Variants in SPAG16 observed in about 807,000 individuals in gnomAD.
SPAG16 encodes sperm-associated antigen 16 protein.
A neutral mutation model predicts 80.4 loss-of-function variants in SPAG16; 86 were observed. That is an observed-to-expected ratio of 1.07 (90% CI 0.90 to 1.28). The LOEUF is 1.28. SPAG16 is among the 50% of genes most tolerant of loss of function. The pLI, the probability that SPAG16 is intolerant of heterozygous loss-of-function variation, is 0.00. For missense variants in SPAG16, 870 were observed against 765.3 expected, an observed-to-expected ratio of 1.14 and a Z score of -1.61; for synonymous variants, 294 against 265.9, an observed-to-expected ratio of 1.11 and a Z score of -1.03.
At chr2:213,928,875 T>A (rs1284512468) in intron 11 of SPAG16, among the ~76,000 whole-genome samples, 1 of 146,882 alleles carries the variant, frequency 6.8e-6, no homozygotes, top group African/African-American at 2.5e-5. Flanking sequence ...TAGAAGATGA[T>A]GGAAGTAAAA....
At chr2:214,390,789 C>G (rs1701034810) in intron 15 of SPAG16, among the ~76,000 whole-genome samples, 1 of 152,056 alleles carries the variant, frequency 6.6e-6, no homozygotes, top group South Asian at 2.1e-4. Context: ...CATTGGAGAG[C>G]AAGATCAATG....
At chr2:214,163,564 A>G (rs867790419) in intron 15 of SPAG16, among the ~76,000 whole-genome samples, 9 of 136,444 alleles carry the variant, frequency 6.6e-5, no homozygotes, top group African/African-American at 2.2e-4. Flanking sequence ...GTGTCTGTGT[A>G]TATGTGTGTG....
intron 10 of SPAG16, among the ~76,000 whole-genome samples, chr2:213,585,424 G>A (rs569551322): frequency 4.0e-5 from 6 of 151,638 alleles, no homozygotes; most frequent in East Asian, 4.0e-4. Context: ...CTACAGGTAC[G>A]TGCCACCATG....
At chr2:213,714,397 T>C (rs1365715726) in intron 10 of SPAG16, among the ~76,000 whole-genome samples, 1 of 152,174 alleles carries the variant, frequency 6.6e-6, no homozygotes, top group African/African-American at 2.4e-5. Flanking sequence ...TTAGGTGTTC[T>C]TCTCACCCTT....
At chr2:213,544,807 G>A (rs1238489987) in intron 10 of SPAG16, among the ~76,000 whole-genome samples, 3 of 151,910 alleles carry the variant, frequency 2.0e-5, no homozygotes, top group African/African-American at 4.8e-5. Flanking sequence ...TATTTCACTT[G>A]GTAAAATACA....
chr2:213,596,950 A>C (rs901484884), intron 10 of SPAG16, among the ~76,000 whole-genome samples: 8 of 152,284 alleles, frequency 5.3e-5, no homozygotes, highest in African/African-American at 1.7e-4. Context: ...CTTTATAAAA[A>C]GGGTGGAGGT....
intron 7 of SPAG16, among the ~76,000 whole-genome samples, chr2:213,352,435 A>T (rs1405948377): frequency 1.3e-5 from 2 of 152,082 alleles, no homozygotes; most frequent in Non-Finnish European, 2.9e-5. Flanking sequence ...TTCCTATTCC[A>T]GATGGGCCAA....
intron 10 of SPAG16, among the ~76,000 whole-genome samples, chr2:213,510,603 C>A (rs1246125740): frequency 6.6e-6 from 1 of 152,140 alleles, no homozygotes; most frequent in African/African-American, 2.4e-5. Context: ...TGTTAAAGCT[C>A]AGGGACCAGC....
chr2:213,856,907 C>A (rs2075196762), intron 10 of SPAG16, among the ~76,000 whole-genome samples: 1 of 152,106 alleles, frequency 6.6e-6, no homozygotes. Context: ...GAAGACATAG[C>A]TAAGATAATG....
intron 10 of SPAG16, among the ~76,000 whole-genome samples, chr2:213,602,564 G>T (rs1392121722): frequency 6.6e-6 from 1 of 152,190 alleles, no homozygotes; most frequent in African/African-American, 2.4e-5. Context: ...AACCTGGAAG[G>T]CAGAGGTTGC....
intron 15 of SPAG16, among the ~76,000 whole-genome samples, chr2:214,357,896 G>T (rs1698924308): frequency 6.6e-6 from 1 of 151,904 alleles, no homozygotes; most frequent in Non-Finnish European, 1.5e-5. Context: ...AACTATTAGA[G>T]TCAGGGCTTT....
At chr2:213,481,420 T>G (rs529059969) in intron 9 of SPAG16, among the ~76,000 whole-genome samples, 3 of 152,326 alleles carry the variant, frequency 2.0e-5, no homozygotes, top group South Asian at 4.1e-4. Flanking sequence ...ATTGCTTACA[T>G]TTTTTGTTTT....
intron 10 of SPAG16, among the ~76,000 whole-genome samples, chr2:213,517,406 C>T (rs957950394): frequency 2.6e-5 from 4 of 152,122 alleles, no homozygotes; most frequent in African/African-American, 9.7e-5. Flanking sequence ...ACAGATTCAG[C>T]ACTACTCTTA....
At chr2:213,357,888 C>G (rs1300832666) in intron 7 of SPAG16, among the ~76,000 whole-genome samples, 1 of 152,214 alleles carries the variant, frequency 6.6e-6, no homozygotes. Flanking sequence ...TTTGCAGTGG[C>G]TGGTACTGGT....
intron 10 of SPAG16, among the ~76,000 whole-genome samples, chr2:213,744,107 G>C (rs1252920268): frequency 6.6e-6 from 1 of 152,170 alleles, no homozygotes; most frequent in Admixed American, 6.5e-5. Flanking sequence ...ACCTCCCAGA[G>C]CACTCCCTAT....
At chr2:213,794,614 T>C (rs2070911030) in intron 10 of SPAG16, among the ~76,000 whole-genome samples, 1 of 152,132 alleles carries the variant, frequency 6.6e-6, no homozygotes, top group Non-Finnish European at 1.5e-5. Context: ...GTTGGACTGG[T>C]AGCTAAAGAA....
chr2:214,221,381 A>G (rs2058563171), intron 15 of SPAG16, among the ~76,000 whole-genome samples: 1 of 151,764 alleles, frequency 6.6e-6, no homozygotes, highest in South Asian at 2.1e-4. Context: ...CATGCTTGCC[A>G]TTTGTCTCGA....
chr2:213,833,488 ATATATAATATATATAT>A, intron 10 of SPAG16, among the ~76,000 whole-genome samples: 1 of 1,580 alleles, frequency 6.3e-4, no homozygotes, highest in African/African-American at 7.9e-4. Context: ...TATATATATT[ATATATAATATATATAT>A]TATATATAAT....
chr2:214,368,379 C>T (rs191941210), intron 15 of SPAG16, among the ~76,000 whole-genome samples: 1 of 152,122 alleles, frequency 6.6e-6, no homozygotes, highest in East Asian at 1.9e-4. Context: ...ACCTCTCTAC[C>T]TCTTTGCTTC....
Sources: allele counts gnomAD v4.1 joint callset (sites outside exome capture counted in the v4.1 genomes callset), GRCh38; gene constraint gnomAD v4.1.1; transcripts MANE v1.5; gene names NCBI Gene and HGNC (gene_info 2026-07-23, HGNC 2026-07-21).